The following STK3 variants were observed in gnomAD, a reference collection of about 807,000 sequenced individuals.
The protein encoded by STK3 is serine/threonine kinase 3, also known as serine/threonine-protein kinase 3.
STK3 carries 41 observed loss-of-function variants against 58.0 expected under a neutral mutation model. That is an observed-to-expected ratio of 0.71 (90% confidence interval 0.55 to 0.92). The LOEUF (loss-of-function observed/expected upper bound fraction) is 0.92. Among genes scored for constraint, STK3 ranks in the 40% least tolerant of loss-of-function variants. The probability of loss-of-function intolerance (pLI) is 0.00; values close to 1 mark genes in which losing one functional copy is unlikely to be tolerated. For missense variants in STK3, 479 were observed against 602.7 expected (o/e 0.79, Z 2.15); for synonymous variants, 170 against 191.0 (o/e 0.89, Z 0.91).
intron 7 of STK3, among the ~76,000 whole-genome samples, chr8:98,587,039 A>G (rs950859894): frequency 2.6e-5 from 4 of 151,866 alleles, no homozygotes; most frequent in Admixed American, 6.6e-5. Context: ...TGATCCTTTC[A>G]AAAAACCAGC....
At position 98,380,838 on chromosome 8, in the gene STK3, TTTATCA is replaced by T. The variant is rs199672809; in HGVS notation, n.57-1637_57-1632del. Among the ~76,000 whole-genome samples the T allele has an allele frequency of 1.4e-4, 22 of 152,310 alleles. No homozygotes were observed. In the East Asian group the frequency reaches 4.2e-3, roughly 29 times the overall value. On this transcript the variant is annotated intron_variant and non_coding_transcript_variant, in intron 1 of 2. Transcript: ENST00000518704. ...TTGTTCATGTTCTCATTGGGTATTC[TTTATCA>T]TTTTCTTGTAGGTTATCTTATAACA...
chr8:98,422,882 A>G (rs987047978), intron 3 of STK3, among the ~76,000 whole-genome samples: 2 of 152,214 alleles, frequency 1.3e-5, no homozygotes, highest in African/African-American at 4.8e-5. Context: ...AGAAATGCCG[A>G]TTTGCCCTCA....
intron 3 of STK3, chr8:98,412,995 T>A: frequency 4.4e-6 from 1 of 229,638 alleles, no homozygotes; most frequent in Non-Finnish European, 8.6e-6. Context: ...GTCCTTCTGA[T>A]ATCATTTTGC....
chr8:98,431,034 A>G (rs111647288), intron 3 of STK3: 2 of 167,126 alleles, frequency 1.2e-5, no homozygotes, highest in African/African-American at 4.8e-5. Context: ...TTATTGTTCC[A>G]TCTTTGAAAA....
intron 1 of STK3, among the ~76,000 whole-genome samples, chr8:98,918,996 G>A (rs901726024): frequency 4.3e-4 from 65 of 151,908 alleles, no homozygotes; most frequent in African/African-American, 1.3e-3. Context: ...GGCTAAGGGA[G>A]ATGGGCTCAA....
intron 6 of STK3, among the ~76,000 whole-genome samples, chr8:98,611,184 G>A (rs187865439): frequency 6.6e-6 from 1 of 152,040 alleles, no homozygotes; most frequent in Admixed American, 6.5e-5. Flanking sequence ...AATAAGTGAG[G>A]CTCTGGTCCC....
chr8:98,464,947 T>C (rs1020268776), intron 10 of STK3, among the ~76,000 whole-genome samples: 3 of 152,128 alleles, frequency 2.0e-5, no homozygotes, highest in African/African-American at 7.2e-5. Flanking sequence ...GGGATTACAA[T>C]TGGAAACTAC....
At chr8:98,441,558 C>A (rs1818697449) in intron 1 of STK3, among the ~76,000 whole-genome samples, 1 of 152,144 alleles carries the variant, frequency 6.6e-6, no homozygotes. Context: ...ACAGCCATCA[C>A]CATTATAGTA....
intron 9 of STK3, among the ~76,000 whole-genome samples, chr8:98,535,412 T>C (rs370931156): frequency 2.6e-5 from 4 of 151,858 alleles, no homozygotes; most frequent in South Asian, 4.2e-4. Context: ...CCCCAGATCA[T>C]CTTCCTCTCT....
chr8:98,779,301 A>AT (rs972414872), intron 1 of STK3, among the ~76,000 whole-genome samples: 13 of 151,964 alleles, frequency 8.6e-5, no homozygotes, highest in African/African-American at 2.7e-4. Context: ...CCCTGAACAT[A>AT]TTTTTTTTCC....
intron 3 of STK3, among the ~76,000 whole-genome samples, chr8:98,832,255 A>AATATATATATATATATAGATATCT (rs1835561431): frequency 7.2e-6 from 1 of 138,868 alleles, no homozygotes; most frequent in East Asian, 2.1e-4. Context: ...AAAAAAAAAA[A>AATATATATATATATATAGATATCT]ATATATATAT....
chr8:98,614,502 G>C (rs1817493004), intron 6 of STK3, among the ~76,000 whole-genome samples: 1 of 152,216 alleles, frequency 6.6e-6, no homozygotes, highest in African/African-American at 2.4e-5. Context: ...CTCCCAGCGA[G>C]AGCGATGCAG....
chr8:98,365,423 G>T, the STK3 span, among the ~76,000 whole-genome samples: 4 of 152,180 alleles, frequency 2.6e-5, no homozygotes, highest in African/African-American at 4.8e-5. Context: ...ATGAAGAGAA[G>T]GGAGGGAGGG....
chr8:98,652,744 C>A (rs1225747017), intron 6 of STK3, among the ~76,000 whole-genome samples: 1 of 149,660 alleles, frequency 6.7e-6, no homozygotes, highest in Non-Finnish European at 1.5e-5. Flanking sequence ...AAGGCCATTA[C>A]ATAATGGTAA....
intron 8 of STK3, among the ~76,000 whole-genome samples, chr8:98,548,873 G>C (rs182630005): frequency 3.3e-5 from 5 of 152,098 alleles, no homozygotes; most frequent in Non-Finnish European, 2.9e-5. Flanking sequence ...CATGTAAGTG[G>C]AATCATACAA....
At chr8:98,577,903 T>A (rs1813545154) in intron 8 of STK3, among the ~76,000 whole-genome samples, 2 of 151,532 alleles carry the variant, frequency 1.3e-5, no homozygotes, top group Non-Finnish European at 2.9e-5. Flanking sequence ...AAGTACCGGG[T>A]ATAGCACATG....
chr8:98,898,412 C>T (rs60588461), intron 1 of STK3, among the ~76,000 whole-genome samples: 2,856 of 152,168 alleles, frequency 0.019, 91 homozygotes, highest in African/African-American at 0.066. Flanking sequence ...CAGCTAGGGC[C>T]AAAACAATAG....
At chr8:98,359,945 A>G in the STK3 span, among the ~76,000 whole-genome samples, 3 of 152,022 alleles carry the variant, frequency 2.0e-5, no homozygotes, top group Non-Finnish European at 4.4e-5. Context: ...TGAATGTGCC[A>G]TGTTTTCAGG....
chr8:98,751,188 C>T (rs1216892798), intron 3 of STK3, among the ~76,000 whole-genome samples: 1 of 152,122 alleles, frequency 6.6e-6, no homozygotes, highest in African/African-American at 2.4e-5. Context: ...CCTTGAAAAG[C>T]GGCATTAAGA....
Sources: gnomAD v4.1 joint callset for allele counts (sites outside exome capture counted in the v4.1 genomes callset) on GRCh38, gnomAD v4.1.1 for gene constraint, MANE v1.5 for transcripts, NCBI Gene and HGNC (gene_info 2026-07-23, HGNC 2026-07-21) for gene names.